Variants in CADM2 observed in about 807,000 individuals in gnomAD.
CADM2 encodes immunoglobulin superfamily member 4D.
Under a neutral mutation model 49.8 loss-of-function variants are expected in CADM2, and 12 were observed. The observed-to-expected ratio is 0.24, with a 90% CI of 0.15 to 0.39. CADM2 has a LOEUF of 0.39. Ranked by LOEUF, CADM2 falls within the 10% of genes least tolerant of loss-of-function variation. The pLI is 1.00. For synonymous variants in CADM2, 214 were observed against 175.4 expected (o/e 1.22, Z -1.74); for missense variants, 378 against 492.3 (o/e 0.77, Z 2.20).
intron 3 of CADM2, among the ~76,000 whole-genome samples, chr3:85,860,458 T>A (rs866633417): frequency 6.6e-6 from 1 of 152,176 alleles, no homozygotes; most frequent in Non-Finnish European, 1.5e-5. Context: ...CTAAATTTAG[T>A]GTCTTTGTCC....
chr3:85,551,024 C>T (rs1008959494), intron 1 of CADM2, among the ~76,000 whole-genome samples: 1 of 152,100 alleles, frequency 6.6e-6, no homozygotes, highest in African/African-American at 2.4e-5. Flanking sequence ...CACTCTGCCA[C>T]TCAGGCTGGA....
chr3:85,418,900 T>C (rs996179769), intron 1 of CADM2, among the ~76,000 whole-genome samples: 1 of 152,142 alleles, frequency 6.6e-6, no homozygotes, highest in Admixed American at 6.5e-5. Flanking sequence ...CTATACTTTT[T>C]CTCAATATTA....
intron 1 of CADM2, among the ~76,000 whole-genome samples, chr3:85,487,802 A>T (rs1186734436): frequency 1.3e-5 from 2 of 151,796 alleles, no homozygotes; most frequent in Non-Finnish European, 2.9e-5. Context: ...TGAATAGATG[A>T]CACTGTCAGG....
intron 6 of CADM2, among the ~76,000 whole-genome samples, chr3:85,923,747 A>G (rs1011178929): frequency 6.6e-6 from 1 of 152,210 alleles, no homozygotes; most frequent in African/African-American, 2.4e-5. Flanking sequence ...TTTCTGTGAT[A>G]ATAGAGATGT....
chr3:85,573,906 T>G (rs904589817), intron 1 of CADM2, among the ~76,000 whole-genome samples: 2 of 152,058 alleles, frequency 1.3e-5, no homozygotes, highest in African/African-American at 4.8e-5. Context: ...GGATTGAGAG[T>G]CTATTGTAGT....
intron 1 of CADM2, among the ~76,000 whole-genome samples, chr3:84,982,901 A>G (rs1030022376): frequency 1.3e-5 from 2 of 150,496 alleles, no homozygotes; most frequent in Non-Finnish European, 2.9e-5. Context: ...GTCCGCCACC[A>G]TGCCCAGCTA....
At chr3:85,084,702 T>C (rs2037304667) in intron 1 of CADM2, among the ~76,000 whole-genome samples, 2 of 152,170 alleles carry the variant, frequency 1.3e-5, no homozygotes, top group South Asian at 2.1e-4. Flanking sequence ...AGAATATGGC[T>C]ACTAAAAAAA....
intron 1 of CADM2, among the ~76,000 whole-genome samples, chr3:85,477,893 A>G (rs750746436): frequency 3.3e-5 from 5 of 151,942 alleles, no homozygotes; most frequent in African/African-American, 1.2e-4. Flanking sequence ...TCAGTAAAGC[A>G]CTAAAATTCT....
intron 2 of CADM2, among the ~76,000 whole-genome samples, chr3:85,756,449 T>C (rs2069127016): frequency 6.6e-6 from 1 of 152,166 alleles, no homozygotes; most frequent in Non-Finnish European, 1.5e-5. Flanking sequence ...TTTGAAGACA[T>C]TGCATATTGA....
chr3:85,911,368 T>A (rs1717563041), intron 5 of CADM2, among the ~76,000 whole-genome samples: 1 of 152,162 alleles, frequency 6.6e-6, no homozygotes, highest in African/African-American at 2.4e-5. Flanking sequence ...AGTGCACCAT[T>A]TAACGATGGA....
rs74463231 is a variant in CADM2, at chr3:85,310,481, C to G, written c.61+350813C>G. Among the ~76,000 whole-genome samples, 1,114 of 152,288 alleles carry G rather than the reference C, an allele frequency of 7.3e-3. 11 individuals are homozygous for G. The highest frequency in any genetic ancestry group is 0.026 in the African/African-American group (1,061 of 41,550). On this transcript the variant is annotated intron_variant, in intron 1 of 9. Transcript: ENST00000383699. ...GGGCACCTATTGTCATACTCAAGATCTTTTCCCTGCCGAATTCATCTCTGC... is the reference window on the plus strand; with the variant it reads ...GGGCACCTATTGTCATACTCAAGATGTTTTCCCTGCCGAATTCATCTCTGC...
At chr3:85,756,134 T>G (rs2107881494) in intron 2 of CADM2, among the ~76,000 whole-genome samples, 1 of 151,746 alleles carries the variant, frequency 6.6e-6, no homozygotes, top group Non-Finnish European at 1.5e-5. Flanking sequence ...TTGAATCTCT[T>G]GTGACAGGAG....
At chr3:85,640,370 A>T (rs546284259) in intron 1 of CADM2, among the ~76,000 whole-genome samples, 1 of 152,238 alleles carries the variant, frequency 6.6e-6, no homozygotes, top group East Asian at 1.9e-4. Flanking sequence ...TTGTATAATT[A>T]GACTCAAAAT....
chr3:86,027,446 A>G (rs1349237232), intron 8 of CADM2, among the ~76,000 whole-genome samples: 2 of 152,182 alleles, frequency 1.3e-5, no homozygotes, highest in South Asian at 2.1e-4. Flanking sequence ...ATATTTTATC[A>G]TAAATCATTT....
intron 9 of CADM2, among the ~76,000 whole-genome samples, chr3:86,066,403 T>C (rs891325806): frequency 4.0e-5 from 6 of 148,746 alleles, no homozygotes; most frequent in Middle Eastern, 7.1e-3. Flanking sequence ...AAGGTTCACA[T>C]TGATTTTATC....
chr3:85,974,539 A>G (rs963704348), intron 8 of CADM2, among the ~76,000 whole-genome samples: 2 of 151,628 alleles, frequency 1.3e-5, no homozygotes, highest in African/African-American at 4.8e-5. Flanking sequence ...TGGAGTTCCT[A>G]TCAGAGTCAC....
At chr3:85,440,211 A>G (rs1412560326) in intron 1 of CADM2, among the ~76,000 whole-genome samples, 3 of 152,132 alleles carry the variant, frequency 2.0e-5, no homozygotes, top group African/African-American at 7.2e-5. Flanking sequence ...TTGCTTCCCA[A>G]TCCAAAGAAG....
chr3:84,977,797 G>A (rs1024690511), intron 1 of CADM2, among the ~76,000 whole-genome samples: 1 of 152,110 alleles, frequency 6.6e-6, no homozygotes, highest in Admixed American at 6.6e-5. Flanking sequence ...CAATATTGAC[G>A]TCAACGGAAA....
intron 1 of CADM2, among the ~76,000 whole-genome samples, chr3:85,602,189 G>A: frequency 6.6e-6 from 1 of 151,644 alleles, no homozygotes; most frequent in East Asian, 1.9e-4. Context: ...AATAAAATGA[G>A]GTTATTTAAA....
Sources: gnomAD v4.1 joint callset for allele counts (sites outside exome capture counted in the v4.1 genomes callset) on GRCh38, gnomAD v4.1.1 for gene constraint, MANE v1.5 for transcripts, NCBI Gene and HGNC (gene_info 2026-07-23, HGNC 2026-07-21) for gene names.